The following DPY19L2 variants were observed in gnomAD, a reference collection of about 807,000 sequenced individuals.
DPY19L2 encodes probable C-mannosyltransferase DPY19L2.
In DPY19L2, 34 loss-of-function variants were observed where a neutral mutation model predicts 97.9. That is an observed-to-expected ratio of 0.35 (90% CI 0.26 to 0.46). The LOEUF is 0.46. Ranked by LOEUF, DPY19L2 falls within the 20% of genes least tolerant of loss-of-function variation. The pLI is 1.00. For synonymous variants in DPY19L2, 230 were observed against 307.9 expected, an observed-to-expected ratio of 0.75 and a Z score of 2.65; for missense variants, 623 against 911.4, an observed-to-expected ratio of 0.68 and a Z score of 4.07.
At chr12:63,642,048 T>G (rs1394368288) in intron 6 of DPY19L2, among the ~76,000 whole-genome samples, 3 of 152,136 alleles carry the variant, frequency 2.0e-5, no homozygotes, top group African/African-American at 7.2e-5. Flanking sequence ...CCATTTGGTG[T>G]TCTTCTGGGA....
At chr12:63,589,659 G>A (rs534540976) in intron 16 of DPY19L2, among the ~76,000 whole-genome samples, 15 of 151,942 alleles carry the variant, frequency 9.9e-5, no homozygotes, top group South Asian at 2.1e-4. Context: ...CATGTTTTTC[G>A]TATAGGGAAG....
chr12:63,666,410 G>A, intron 1 of DPY19L2: 1 of 285,644 alleles, frequency 3.5e-6, no homozygotes, highest in Non-Finnish European at 6.8e-6. Context: ...AGATGGCCTA[G>A]GAGACTAGTC....
intron 21 of DPY19L2, among the ~76,000 whole-genome samples, chr12:63,568,283 T>G (rs1383759110): frequency 6.6e-6 from 1 of 152,074 alleles, no homozygotes; most frequent in African/African-American, 2.4e-5. Context: ...TGAGTACATT[T>G]AAATGATTTT....
chr12:63,661,291 T>C (rs1396277778), intron 4 of DPY19L2, 53 bp downstream of exon 4: 6 of 1,469,894 alleles, frequency 4.1e-6, no homozygotes, highest in Middle Eastern at 1.8e-4. Context: ...ACTATTTTTA[T>C]CTGACAAAGA....
chr12:63,637,339 A>T (rs191543649), intron 6 of DPY19L2, among the ~76,000 whole-genome samples: 244 of 152,272 alleles, frequency 1.6e-3, no homozygotes, highest in Non-Finnish European at 2.5e-3. Flanking sequence ...AGCAGGAGAG[A>T]TCTAAAATAG....
In DPY19L2 at chr12:63,622,875, G is replaced by C. The variant is rs531085931; in HGVS notation, c.953+1165C>G. Among the ~76,000 whole-genome samples the C allele has an allele frequency of 7.9e-5, 12 of 152,236 alleles. No homozygotes were observed. The East Asian group carries it at 2.3e-3, about 29-fold the overall frequency. On this transcript the variant is annotated intron_variant, in intron 8 of 21. Coordinates refer to ENST00000324472, the MANE Select transcript of DPY19L2 (RefSeq NM_173812.5). Reference sequence around the variant, plus strand: ...CGGGAAGCAGAGGTTGCAGTGAGCCGATCGTGCCACTGCACTCCAGCCTGG... The same window carrying C: ...CGGGAAGCAGAGGTTGCAGTGAGCCCATCGTGCCACTGCACTCCAGCCTGG...
intron 16 of DPY19L2, among the ~76,000 whole-genome samples, chr12:63,587,557 A>AAGTATT (rs541428501): frequency 7.3e-6 from 1 of 136,228 alleles, no homozygotes; most frequent in African/African-American, 2.8e-5. Context: ...CATTTTTAAA[A>AAGTATT]ATTATTATTA....
At chr12:63,586,166 C>T (rs1239190782) in intron 16 of DPY19L2, among the ~76,000 whole-genome samples, 2 of 152,172 alleles carry the variant, frequency 1.3e-5, no homozygotes, top group Non-Finnish European at 2.9e-5. Context: ...GAATTTTCAT[C>T]TGTAATGCTC....
chr12:63,563,499 C>T (rs1382719935), intron 21 of DPY19L2, among the ~76,000 whole-genome samples: 4 of 152,084 alleles, frequency 2.6e-5, no homozygotes, highest in African/African-American at 4.8e-5. Flanking sequence ...CCTGAATGTA[C>T]GAGACTATGA....
chr12:63,645,947 C>G lies in DPY19L2; in HGVS notation c.709+1298G>C, dbSNP rs186093450. ...TTCACCAGTGCACCCCTTTCATGAT[C>G]TGATCCTTGCTTATATTCCCAGCAC... On this transcript the variant is annotated intron_variant, in intron 5 of 21. Transcript: ENST00000324472. 1.4e-3 allele frequency among the ~76,000 whole-genome samples: 219 copies of G among 152,216 alleles called. 1 individual carries two copies. Among genetic ancestry groups the G allele is most frequent in the African/African-American group, 4.6e-3 (193 of 41,538 alleles).
chr12:63,563,237 A>G lies in DPY19L2; in HGVS notation c.2127-2575T>C, dbSNP rs2137244040. 2.0e-5 allele frequency among the ~76,000 whole-genome samples: 3 copies of G among 152,168 alleles called. 1 individual carries two copies. The South Asian group carries it at 6.2e-4, about 32-fold the overall frequency. On this transcript the variant is annotated intron_variant, in intron 21 of 21. Transcript: ENST00000324472. The stretch of plus-strand genomic sequence containing the variant: ...GTGGTTTATCTTTTAATTCTTCCTA[A>G]CACTGTTTATAAAAAAGCAGAGGTT...
At chr12:63,664,140 C>T (rs1394600426) in intron 2 of DPY19L2, among the ~76,000 whole-genome samples, 3 of 151,954 alleles carry the variant, frequency 2.0e-5, no homozygotes. Flanking sequence ...AGTTCGAGAC[C>T]AGCCTTGCCA....
At chr12:63,622,388 G>T (rs1888833687) in intron 8 of DPY19L2, among the ~76,000 whole-genome samples, 1 of 152,164 alleles carries the variant, frequency 6.6e-6, no homozygotes, top group Non-Finnish European at 1.5e-5. Flanking sequence ...CAAAGATATA[G>T]AAATCTGAAT....
rs768282801 is a variant in DPY19L2 at position 63,612,863 on chromosome 12, C to G, written c.1219-4188G>C. 6.6e-5 allele frequency among the ~76,000 whole-genome samples: 10 copies of G among 151,722 alleles called. 1 individual carries two copies. The highest frequency in any genetic ancestry group is 1.3e-4 in the Admixed American group (2 of 15,234). Reference sequence around the variant, plus strand: ...ACTATCACTACAGATACTATAGATACATAAAAGAAATAAAATATTATGCCT... The same window carrying G: ...ACTATCACTACAGATACTATAGATAGATAAAAGAAATAAAATATTATGCCT... On this transcript the variant is annotated intron_variant, in intron 11 of 21. Transcript: ENST00000324472.
chr12:63,595,173 A>T (rs1338240810), intron 15 of DPY19L2, among the ~76,000 whole-genome samples: 1 of 152,232 alleles, frequency 6.6e-6, no homozygotes, highest in Non-Finnish European at 1.5e-5. Context: ...ATTTGACTGT[A>T]AATACAGAAA....
intron 6 of DPY19L2, among the ~76,000 whole-genome samples, chr12:63,630,128 AC>A (rs1164121789): frequency 1.3e-5 from 2 of 152,190 alleles, no homozygotes; most frequent in Non-Finnish European, 2.9e-5. Flanking sequence ...AATTGTAAAG[AC>A]CATCAAAGCT....
intron 16 of DPY19L2, among the ~76,000 whole-genome samples, chr12:63,588,144 G>A (rs888925172): frequency 6.6e-6 from 1 of 152,106 alleles, no homozygotes; most frequent in African/African-American, 2.4e-5. Flanking sequence ...TATAAACAGA[G>A]ATTAATAAAA....
At chr12:63,662,530 T>C (rs1217597224) in intron 3 of DPY19L2, among the ~76,000 whole-genome samples, 1 of 152,102 alleles carries the variant, frequency 6.6e-6, no homozygotes, top group East Asian at 1.9e-4. Flanking sequence ...TATTATTTTG[T>C]GTTAAGTATT....
chr12:63,646,209 ATC>A (rs1893389887), intron 5 of DPY19L2, among the ~76,000 whole-genome samples: 1 of 152,152 alleles, frequency 6.6e-6, no homozygotes, highest in Non-Finnish European at 1.5e-5. Context: ...TAGCTGGTTC[ATC>A]TCTGTGTCCC....
Sources: allele counts gnomAD v4.1 joint callset (sites outside exome capture counted in the v4.1 genomes callset), GRCh38; gene constraint gnomAD v4.1.1; transcripts MANE v1.5; gene names NCBI Gene and HGNC (gene_info 2026-07-23, HGNC 2026-07-21).